Variants in RPL3 observed in about 807,000 individuals in gnomAD.
The protein encoded by RPL3 is large ribosomal subunit protein uL3.
In RPL3, 3 loss-of-function variants were observed where a neutral mutation model predicts 46.0. The ratio of observed to expected loss-of-function variants is 0.07; its 90% CI spans 0.03 to 0.17. RPL3 has a LOEUF of 0.17. RPL3 is among the 10% of genes least tolerant of loss of function. The pLI is 1.00. For missense variants in RPL3, 387 were observed against 532.7 expected (o/e 0.73, Z 2.69); for synonymous variants, 224 against 190.8 (o/e 1.17, Z -1.43).
chr22:39,315,165 G>C (rs558302269), intron 5 of RPL3: 25 of 853,486 alleles, frequency 2.9e-5, no homozygotes, highest in Non-Finnish European at 4.8e-5. Flanking sequence ...AACGTGTTAA[G>C]AAGTTGTCCC....
chr22:39,318,748 G>A (rs902476152), intron 1 of RPL3, 156 bp from the exon 2 acceptor site: 45 of 640,558 alleles, frequency 7.0e-5, no homozygotes, highest in Non-Finnish European at 1.1e-4. Flanking sequence ...TTCCAGGCTC[G>A]CACGTGTCAA....
chr22:39,317,382 G>C, intron 3 of RPL3, 79 bp downstream of exon 3: 5 of 1,506,822 alleles, frequency 3.3e-6, no homozygotes, highest in Non-Finnish European at 4.5e-6. Flanking sequence ...CTACAGAGCT[G>C]AGAAACCATG....
At chr22:39,319,515 G>C (rs1014184928) in intron 1 of RPL3, 80 bp downstream of exon 1, 15 of 1,545,444 alleles carry the variant, frequency 9.7e-6, no homozygotes, top group Non-Finnish European at 1.3e-5. Flanking sequence ...CGCCGGCCAA[G>C]ACGGGATGGC....
chr22:39,317,758 A>T, intron 2 of RPL3, 129 bp from the exon 3 acceptor site: 1 of 981,108 alleles, frequency 1.0e-6, no homozygotes, highest in Non-Finnish European at 1.5e-6. Flanking sequence ...GTACGGACTC[A>T]CAGGGCTGTC....
At position 39,312,923 on chromosome 22, in the gene RPL3, A is replaced by C. The variant is rs1351644989; in HGVS notation, c.*17T>G. 1.9e-6 allele frequency: 3 copies of C among 1,613,980 alleles called. No individual in the cohort carries two copies. Among genetic ancestry groups the C allele is most frequent in the Non-Finnish European group, 2.5e-6 (3 of 1,179,922 alleles). ...CTTTTATTGAGACCCCACCAACTGC[A>C]AAATCTGTTCCTGGCATTAAGCTCC... On this transcript the variant is annotated 3_prime_UTR_variant, in exon 10 of 10. Coordinates refer to ENST00000216146, the MANE Select transcript of RPL3 (RefSeq NM_000967.4).
chr22:39,317,441 T>G lies in RPL3; in HGVS notation c.365+20A>C, dbSNP rs1206272272. The G allele has an allele frequency of 6.2e-7, 1 of 1,608,934 alleles. No individual in the cohort carries two copies. The highest frequency in any genetic ancestry group is 1.1e-5 in the South Asian group (1 of 90,880). On this transcript the variant is annotated intron_variant, in intron 3 of 9. Transcript: ENST00000216146. ...GCTCCCAAGCTCCCAAGCTAGGGACTGCATGGCCTCCTCCCTTACCAATTC... is the reference window on the plus strand; with the variant it reads ...GCTCCCAAGCTCCCAAGCTAGGGACGGCATGGCCTCCTCCCTTACCAATTC...
rs753225202 is a variant in RPL3 at position 39,317,042 on chromosome 22, T to C, written c.366-201A>G. 2.2e-5 allele frequency: 16 copies of C among 734,412 alleles called. No homozygotes were observed. The East Asian group carries it at 4.1e-4, about 19-fold the overall frequency. 45.5% of individuals were successfully genotyped at this position (734,412 alleles called of 1,614,324 possible). On this transcript the variant is annotated intron_variant, in intron 3 of 9. Coordinates refer to ENST00000216146, the MANE Select transcript of RPL3 (RefSeq NM_000967.4). ...CGGAGCTGAGCAGAGGTCCACAAGG[T>C]TAATTTAAGTTACACGCATTCAAAC...
intron 6 of RPL3, 143 bp from the exon 7 acceptor site, chr22:39,314,351 C>G (rs902714938): frequency 1.4e-6 from 1 of 723,672 alleles, no homozygotes; most frequent in African/African-American, 1.8e-5. Context: ...GAGCAAAAAG[C>G]TGGCTGGCCC....
Position 39,313,314 on chromosome 22 carries a change from T to C in RPL3, c.1048-4A>G. 2 of 1,613,956 alleles carry C rather than the reference T, an allele frequency of 1.2e-6. No homozygotes were observed. Among genetic ancestry groups the C allele is most frequent in the Non-Finnish European group, 1.7e-6 (2 of 1,179,966 alleles). On this transcript the variant is annotated splice_polypyrimidine_tract_variant and splice_region_variant and intron_variant, in intron 8 of 9. Transcript: ENST00000216146. ...GCTTCGTCTGCACCAGCAAGGACTATGGGCCAAGAGGGGAAGGGATTTAGG... is the reference window on the plus strand; with the variant it reads ...GCTTCGTCTGCACCAGCAAGGACTACGGGCCAAGAGGGGAAGGGATTTAGG...
rs141020322 is a variant in RPL3 at position 39,318,466 on chromosome 22, T to C, written c.130A>G (p.Thr44Ala). The C allele has an allele frequency of 1.7e-5, 28 of 1,613,968 alleles. No individual in the cohort carries two copies. The highest frequency in any genetic ancestry group is 2.4e-5 in the Non-Finnish European group (28 of 1,179,918). The change falls in exon 2 of 10, where the codon ACA becomes GCA. Residue 44 changes from threonine (T) to alanine (A), a missense_variant. Thr to Ala is a moderately conservative substitution (Grantham distance 58, BLOSUM62 0). Coordinates refer to ENST00000216146, the MANE Select transcript of RPL3 (RefSeq NM_000967.4). ...CCAGCCTTGTATCCCAGGAAGGCTG[T>C]GAGGTGGACCGGCTTGGACGGGTCA... ...KDDPSKPVHLTAFLGYKAGMT... is the reference protein window; with the variant it reads ...KDDPSKPVHLAAFLGYKAGMT...
rs1266337271 is a variant in RPL3, at chr22:39,318,487, G to A, written c.109C>T (p.Pro37Ser). Residue 37 changes from proline (P) to serine (S), a missense_variant, in exon 2 of 10, where the codon CCG (proline) becomes TCG (serine). By Grantham distance (74) the Pro-to-Ser change is moderately conservative. Around this residue, in one of 5 missense-constraint regions of RPL3, gnomAD observed 196 missense variants for 217.5 expected, o/e 0.90. Transcript: ENST00000216146. ...GKVKSFPKDD[P>S]SKPVHLTAFL... is the part of the protein sequence containing the mutation. ...GCTGTGAGGTGGACCGGCTTGGACG[G>A]GTCATCCTTAGGGAAGCTCTTCACC... 20 of 1,613,862 alleles carry A rather than the reference G, an allele frequency of 1.2e-5. No individual in the cohort carries two copies. Among genetic ancestry groups the A allele is most frequent in the East Asian group, 2.2e-5 (1 of 44,894 alleles).
intron 2 of RPL3, 112 bp downstream of exon 2, chr22:39,318,288 A>C: frequency 1.8e-6 from 2 of 1,082,040 alleles, no homozygotes; most frequent in Non-Finnish European, 1.3e-6. Flanking sequence ...GACAACGTGT[A>C]ACTCCTGCTT....
rs1426099487 is a variant in RPL3, at chr22:39,318,430, T to C, written c.166A>G (p.Ile56Val). 1 of 1,613,770 alleles carries C rather than the reference T, an allele frequency of 6.2e-7. No homozygotes were observed. Reference protein sequence around the residue: ...FLGYKAGMTHIVREVDRPGSK... With the variant: ...FLGYKAGMTHVVREVDRPGSK... ...CCCGGCCTGTCGACTTCCCGCACGA[T>C]GTGAGTCATGCCAGCCTTGTATCCC... is the stretch of plus-strand genomic sequence containing the variant. Residue 56 changes from isoleucine (I) to valine (V), a missense_variant, in exon 2 of 10, where the codon ATC becomes GTC. By Grantham distance (29) the Ile-to-Val change is conservative. Coordinates refer to ENST00000216146, the MANE Select transcript of RPL3 (RefSeq NM_000967.4).
chr22:39,315,148 G>A (rs1431962339), intron 5 of RPL3: 2 of 820,666 alleles, frequency 2.4e-6, no homozygotes, highest in Non-Finnish European at 4.3e-6. Context: ...AGAGCAAAGG[G>A]TCCAGGAACG....
chr22:39,319,107 A>T (rs1326449038), intron 1 of RPL3: 1 of 538,896 alleles, frequency 1.9e-6, no homozygotes, highest in East Asian at 5.4e-5. Flanking sequence ...TAAGTTCATC[A>T]TCTGTGGTTT....
intron 3 of RPL3, 168 bp from the exon 4 acceptor site, chr22:39,317,009 G>T: frequency 1.0e-6 from 1 of 956,212 alleles, no homozygotes; most frequent in Non-Finnish European, 1.6e-6. Flanking sequence ...TCATCGGGCA[G>T]AGCCGAGCGG....
chr22:39,314,952 T>TA (rs1421559224), intron 5 of RPL3, 106 bp from the exon 6 acceptor site: 5 of 1,475,066 alleles, frequency 3.4e-6, no homozygotes, highest in Admixed American at 1.9e-5. Flanking sequence ...GAGGGAGTGA[T>TA]AAGATTATTT....
At chr22:39,317,355 C>G in intron 3 of RPL3, 106 bp downstream of exon 3, 1 of 1,318,372 alleles carries the variant, frequency 7.6e-7, no homozygotes, top group Non-Finnish European at 1.0e-6. Flanking sequence ...AAACCCAAGA[C>G]AGCAGCTCCC....
chr22:39,315,856 T>C (rs189909269), intron 4 of RPL3, among the ~76,000 whole-genome samples: 1 of 152,324 alleles, frequency 6.6e-6, no homozygotes, highest in Non-Finnish European at 1.5e-5. Flanking sequence ...TTTGGGTCAG[T>C]TCCTTTTGGG....
Sources: gnomAD v4.1 joint callset for allele counts (sites outside exome capture counted in the v4.1 genomes callset) on GRCh38, gnomAD v4.1.1 for gene constraint, gnomAD v4.1.1 regional missense constraint, MANE v1.5 for transcripts, NCBI Gene and HGNC (gene_info 2026-07-23, HGNC 2026-07-21) for gene names.